DGKH: variants seen among roughly 807,000 people sequenced by gnomAD.
DGKH encodes diacylglycerol kinase eta.
A neutral mutation model predicts 159.3 loss-of-function variants in DGKH; 90 were observed. That is an observed-to-expected ratio of 0.57 (90% confidence interval 0.48 to 0.67). The LOEUF (loss-of-function observed/expected upper bound fraction) is 0.67, where lower values mean the gene tolerates loss of function less well. Ranked by LOEUF, DGKH falls within the 30% of genes least tolerant of loss-of-function variation. The pLI, the probability that DGKH is intolerant of heterozygous loss-of-function variation, is 0.00. For synonymous variants in DGKH, 536 were observed against 553.8 expected (o/e 0.97, Z 0.45); for missense variants, 1,181 against 1,506.1 (o/e 0.78, Z 3.57).
chr13:42,133,216 C>A (rs1041963149), intron 3 of DGKH, among the ~76,000 whole-genome samples: 1 of 151,238 alleles, frequency 6.6e-6, no homozygotes, highest in East Asian at 1.9e-4. Flanking sequence ...TTTATTATAA[C>A]CTCCTTGAGG....
At chr13:42,220,991 G>A (rs932941723) in intron 28 of DGKH, among the ~76,000 whole-genome samples, 30 of 152,320 alleles carry the variant, frequency 2.0e-4, no homozygotes, top group Non-Finnish European at 4.0e-4. Context: ...TATGCATATT[G>A]TGTAGGTTGG....
At chr13:42,215,279 GACTTA>G (rs1957760340) in intron 25 of DGKH, among the ~76,000 whole-genome samples, 1 of 150,136 alleles carries the variant, frequency 6.7e-6, no homozygotes, top group Admixed American at 6.6e-5. Flanking sequence ...AGTTTTTTTT[GACTTA>G]ACTTTTTAAT....
intron 3 of DGKH, among the ~76,000 whole-genome samples, chr13:42,154,944 C>T (rs1264717476): frequency 2.6e-5 from 4 of 151,452 alleles, no homozygotes; most frequent in Non-Finnish European, 4.4e-5. Context: ...AAATATTTTC[C>T]ATATTGAAAA....
At chr13:42,144,464 AT>A (rs1343347444) in intron 3 of DGKH, among the ~76,000 whole-genome samples, 2 of 152,094 alleles carry the variant, frequency 1.3e-5, no homozygotes, top group Non-Finnish European at 2.9e-5. Flanking sequence ...AGGTGGGTGG[AT>A]CACCTGAGGC....
chr13:42,064,649 T>G (rs1882428919), intron 1 of DGKH, among the ~76,000 whole-genome samples: 2 of 152,108 alleles, frequency 1.3e-5, no homozygotes, highest in South Asian at 4.1e-4. Flanking sequence ...TAAACTTTAA[T>G]CATTCAAATT....
chr13:42,160,052 A>G lies in DGKH; in HGVS notation c.771A>G (p.Val257=), dbSNP rs370894389. 2 of 1,614,208 alleles carry G rather than the reference A, an allele frequency of 1.2e-6. No individual in the cohort carries two copies. Among genetic ancestry groups the G allele is most frequent in the African/African-American group, 2.7e-5 (2 of 75,064 alleles). Residue 257 remains valine (V), a synonymous_variant, in exon 7 of 30, where the codon GTA becomes GTG. Transcript: ENST00000337343. ...AGTGGCTTGAGGGCAACCTGCCTGT[A>G]AGTGCCAAGTGTGCTGTCTGCGACA... The part of the protein sequence containing the change: ...PHQWLEGNLP[V]SAKCAVCDKT...
At chr13:42,087,677 A>G (rs1001267629) in intron 1 of DGKH, among the ~76,000 whole-genome samples, 2 of 152,178 alleles carry the variant, frequency 1.3e-5, no homozygotes, top group Non-Finnish European at 2.9e-5. Flanking sequence ...AGTAAAGAAA[A>G]GTCAATTTGA....
Position 42,234,645 on chromosome 13 carries a change from T to C in DGKH, c.*5457T>C, listed in dbSNP as rs1263145202. ...GGCAGTTTTAAAACACCAAATTCTT[T>C]AGATCAGCTGAAAAGAAGAGTGAGA... On this transcript the variant is annotated 3_prime_UTR_variant, in exon 30 of 30. Coordinates refer to ENST00000337343, the MANE Select transcript of DGKH (RefSeq NM_178009.5). 1 of 152,200 alleles carries C rather than the reference T, an allele frequency of 6.6e-6. No individual in the cohort carries two copies. The highest frequency in any genetic ancestry group is 1.5e-5 in the Non-Finnish European group (1 of 68,030). 9.4% of individuals were successfully genotyped at this position (152,200 alleles called of 1,614,324 possible).
Position 42,105,492 on chromosome 13 carries a change from A to AT in DGKH, c.193-21963dup, listed in dbSNP as rs142662195. Among the ~76,000 whole-genome samples the AT allele has an allele frequency of 1.7e-3, 253 of 152,176 alleles. 7 individuals are homozygous for AT. The East Asian group carries it at 0.043, about 26-fold the overall frequency. ...GCAGTGACCTAAAATTGTATGTTTG[A>AT]TTTTTTTTAAAAGGCATCCTTTTGG... is the stretch of plus-strand genomic sequence containing the variant. On this transcript the variant is annotated intron_variant, in intron 1 of 29. Transcript: ENST00000337343.
intron 1 of DGKH, among the ~76,000 whole-genome samples, chr13:42,121,142 G>A (rs1046082238): frequency 6.6e-6 from 1 of 150,596 alleles, no homozygotes; most frequent in African/African-American, 2.4e-5. Context: ...GACTTACAGT[G>A]GTTCAACTTA....
intron 1 of DGKH, among the ~76,000 whole-genome samples, chr13:42,102,952 C>T (rs1954679067): frequency 6.6e-6 from 1 of 152,098 alleles, no homozygotes; most frequent in African/African-American, 2.4e-5. Flanking sequence ...GATGAGAGTA[C>T]AGAATGTTTA....
At chr13:42,127,260 C>A (rs1161376013) in intron 1 of DGKH, among the ~76,000 whole-genome samples, 2 of 152,236 alleles carry the variant, frequency 1.3e-5, no homozygotes, top group East Asian at 3.9e-4. Context: ...TCTTTGAGGG[C>A]GGAGAACCAT....
In DGKH at chr13:42,209,945, C is replaced by T. The variant is rs149579705; in HGVS notation, c.2850+480C>T. Among the ~76,000 whole-genome samples the T allele has an allele frequency of 1.5e-3, 229 of 151,272 alleles. 5 individuals are homozygous for T. The East Asian group carries it at 0.031, about 21-fold the overall frequency. On this transcript the variant is annotated intron_variant, in intron 23 of 29. Coordinates refer to ENST00000337343, the MANE Select transcript of DGKH (RefSeq NM_178009.5). ...CACGACCCTAAAAATTCCTTATGGT[C>T]TACCTGTTCATCCCTCCTTCCCTTA...
intron 1 of DGKH, chr13:42,069,394 A>G (rs1445881969): frequency 2.0e-6 from 3 of 1,531,044 alleles, no homozygotes; most frequent in South Asian, 1.2e-5. Flanking sequence ...ACTGACTTTG[A>G]TATCAAACTT....
intron 30 of DGKH, among the ~76,000 whole-genome samples, chr13:42,253,478 T>C (rs920399506): frequency 1.3e-5 from 2 of 152,236 alleles, no homozygotes; most frequent in African/African-American, 4.8e-5. Context: ...ATTTATTTTA[T>C]AAAAGAAATA....
chr13:42,159,242 C>CTGTTTTTTT, intron 5 of DGKH, 24 bp from the exon 6 acceptor site: 1 of 159,044 alleles, frequency 6.3e-6, no homozygotes, highest in Non-Finnish European at 1.0e-5. Flanking sequence ...AAAGCAGTTG[C>CTGTTTTTTT]TCTTTTTTTT....
chr13:42,215,159 T>G (rs868022326), intron 25 of DGKH, among the ~76,000 whole-genome samples: 1 of 81,306 alleles, frequency 1.2e-5, no homozygotes, highest in Non-Finnish European at 2.9e-5. Context: ...ACTGATAGCG[T>G]TTTTTTTTTT....
chr13:42,084,988 A>G (rs1321512438), intron 1 of DGKH, among the ~76,000 whole-genome samples: 2 of 151,896 alleles, frequency 1.3e-5, no homozygotes, highest in East Asian at 1.9e-4. Flanking sequence ...TTTGCTCATG[A>G]TACTTTACAT....
In DGKH at chr13:42,186,010, G is replaced by GGTGGTGGTGT. The variant is rs1224301794; in HGVS notation, c.1539-1036_1539-1035insGTGGTGTGTG. ...TTGGGGGAGGAGTGGTGGTGGTGGT[G>GGTGGTGGTGT]GTGTGTGTGTGTGTGTGTGTGTGTG... On this transcript the variant is annotated intron_variant, in intron 13 of 29. Transcript: ENST00000337343. Among the ~76,000 whole-genome samples the GGTGGTGGTGT allele has an allele frequency of 3.0e-5, 4 of 132,390 alleles. No individual in the cohort carries two copies. In the East Asian group the frequency reaches 6.9e-4, roughly 23 times the overall value. 86.9% of individuals were successfully genotyped at this position (132,390 alleles called of 152,430 possible).
Sources: gnomAD v4.1 joint callset for allele counts (sites outside exome capture counted in the v4.1 genomes callset) on GRCh38, gnomAD v4.1.1 for gene constraint, MANE v1.5 for transcripts, NCBI Gene and HGNC (gene_info 2026-07-23, HGNC 2026-07-21) for gene names.